COG5: variants seen among roughly 807,000 people sequenced by gnomAD.
The protein encoded by COG5 is component of oligomeric golgi complex 5.
A neutral mutation model predicts 110.4 loss-of-function variants in COG5; 86 were observed. The observed-to-expected ratio is 0.78, with a 90% CI of 0.65 to 0.93. The LOEUF (loss-of-function observed/expected upper bound fraction) is 0.93, where lower values mean the gene tolerates loss of function less well. Ranked by LOEUF, COG5 falls within the 40% of genes least tolerant of loss-of-function variation. The pLI is 0.00. For missense variants in COG5, 1,077 were observed against 987.0 expected (o/e 1.09, Z -1.22); for synonymous variants, 360 against 334.6 (o/e 1.08, Z -0.83).
At chr7:107,228,541 T>C (rs1160885770) in intron 19 of COG5, among the ~76,000 whole-genome samples, 3 of 152,134 alleles carry the variant, frequency 2.0e-5, no homozygotes, top group African/African-American at 4.8e-5. Flanking sequence ...AGATGACCAA[T>C]GGATTGGCAA....
At chr7:107,369,152 G>GT (rs1220357621) in intron 8 of COG5, among the ~76,000 whole-genome samples, 2 of 152,102 alleles carry the variant, frequency 1.3e-5, no homozygotes, top group Admixed American at 6.6e-5. Context: ...TACACTGTTA[G>GT]TACATATGTG....
intron 6 of COG5, among the ~76,000 whole-genome samples, chr7:107,524,133 C>A (rs766509262): frequency 6.6e-6 from 1 of 152,090 alleles, no homozygotes. Flanking sequence ...ACAACACTGA[C>A]GAATTTCAAA....
At chr7:107,481,738 T>C (rs1797362216) in intron 6 of COG5, among the ~76,000 whole-genome samples, 1 of 152,204 alleles carries the variant, frequency 6.6e-6, no homozygotes, top group African/African-American at 2.4e-5. Context: ...CTTTTGCTGT[T>C]AAATTTTTTC....
chr7:107,525,060 T>C (rs988344904), intron 6 of COG5, among the ~76,000 whole-genome samples: 12 of 152,104 alleles, frequency 7.9e-5, no homozygotes, highest in Non-Finnish European at 1.8e-4. Context: ...CCTGAGTAGC[T>C]GGAATTACAG....
intron 8 of COG5, among the ~76,000 whole-genome samples, chr7:107,371,872 T>C (rs1814200131): frequency 6.6e-6 from 1 of 152,260 alleles, no homozygotes; most frequent in South Asian, 2.1e-4. Context: ...GGAGAAAGCA[T>C]AGTTCATCCT....
At chr7:107,253,577 C>T (rs1312159769) in intron 16 of COG5, among the ~76,000 whole-genome samples, 1 of 152,018 alleles carries the variant, frequency 6.6e-6, no homozygotes, top group African/African-American at 2.4e-5. Context: ...ACTTATATAG[C>T]TATGGTGGTT....
At chr7:107,262,908 A>C (rs1803481261) in intron 14 of COG5, among the ~76,000 whole-genome samples, 1 of 152,200 alleles carries the variant, frequency 6.6e-6, no homozygotes, top group Non-Finnish European at 1.5e-5. Context: ...TGCTATGTAA[A>C]CTGTAAAATG....
At chr7:107,430,051 G>C (rs1246540281) in intron 6 of COG5, among the ~76,000 whole-genome samples, 1 of 152,148 alleles carries the variant, frequency 6.6e-6, no homozygotes, top group African/African-American at 2.4e-5. Context: ...TTCTGATTCT[G>C]TGGATTGTCT....
chr7:107,204,716 C>G lies in COG5; in HGVS notation c.2376-1086G>C, dbSNP rs778389323. On this transcript the variant is annotated intron_variant, in intron 21 of 21. Transcript: ENST00000297135. ...TCCCCAGAGTCTGGCTATCACTGAT[C>G]AGTTTGTAGTGCCCTTCATCCCACA... Among the ~76,000 whole-genome samples the G allele has an allele frequency of 2.6e-5, 4 of 152,172 alleles. No individual in the cohort carries two copies. The East Asian group carries it at 7.7e-4, about 29-fold the overall frequency.
chr7:107,238,469 C>T (rs1009047117), intron 17 of COG5, among the ~76,000 whole-genome samples: 8 of 145,396 alleles, frequency 5.5e-5, no homozygotes, highest in South Asian at 2.2e-4. Context: ...CATGGAAGTG[C>T]GTATATCTTT....
Position 107,203,532 on chromosome 7 carries a change from A to G in COG5, c.2474T>C (p.Met825Thr). ...TTCATGTCATTACTGAAGAGCAGAC[A>G]TAGCCTTTTGAAGCAGCTGAACCAT... ...PIMVQLLQKA[M>T]SALQ The change falls in exon 22 of 22, where the codon ATG becomes ACG. Residue 825 changes from methionine to threonine, a missense_variant. Coordinates refer to ENST00000297135, the MANE Select transcript of COG5 (RefSeq NM_006348.5). The G allele has an allele frequency of 6.2e-7, 1 of 1,612,328 alleles. No homozygotes were observed. Among genetic ancestry groups the G allele is most frequent in the Non-Finnish European group, 8.5e-7 (1 of 1,178,328 alleles).
At chr7:107,509,396 T>C (rs1172149061) in intron 6 of COG5, among the ~76,000 whole-genome samples, 1 of 152,206 alleles carries the variant, frequency 6.6e-6, no homozygotes, top group Non-Finnish European at 1.5e-5. Context: ...TATGGGACTA[T>C]GTGAAAAGAC....
intron 10 of COG5, among the ~76,000 whole-genome samples, chr7:107,344,962 T>C (rs1811472542): frequency 6.6e-6 from 1 of 152,240 alleles, no homozygotes. Flanking sequence ...TTTCAACATG[T>C]CTTCTCCACA....
At chr7:107,560,123 A>G (rs955949741) in intron 1 of COG5, among the ~76,000 whole-genome samples, 4 of 152,194 alleles carry the variant, frequency 2.6e-5, no homozygotes, top group African/African-American at 9.7e-5. Context: ...AGACTGTTAC[A>G]TTTTCAGGAA....
chr7:107,497,631 T>C (rs117447333), intron 6 of COG5, among the ~76,000 whole-genome samples: 1 of 152,092 alleles, frequency 6.6e-6, no homozygotes, highest in Non-Finnish European at 1.5e-5. Flanking sequence ...TAAAAGAAAC[T>C]AAAGAACTAA....
intron 7 of COG5, among the ~76,000 whole-genome samples, chr7:107,386,887 G>A (rs1584759438): frequency 2.0e-5 from 3 of 152,188 alleles, no homozygotes; most frequent in East Asian, 1.9e-4. Flanking sequence ...GCCTAAAAAG[G>A]GGAAGGAGGA....
rs939238586 is a variant in COG5, at chr7:107,248,311, G to C, written c.1853+85C>G. 14 of 871,390 alleles carry C rather than the reference G, an allele frequency of 1.6e-5. No homozygotes were observed. In the African/African-American group the frequency reaches 2.0e-4, roughly 12 times the overall value. 54.0% of individuals were successfully genotyped at this position (871,390 alleles called of 1,614,324 possible). On this transcript the variant is annotated intron_variant, in intron 17 of 21. Coordinates refer to ENST00000297135, the MANE Select transcript of COG5 (RefSeq NM_006348.5). ...AAGGAACAAGGCCCTGGATGGCAGG[G>C]GGGCAGCTTAGGGAGTAAGCATAGA... is the stretch of plus-strand genomic sequence containing the variant.
intron 6 of COG5, among the ~76,000 whole-genome samples, chr7:107,414,854 G>C (rs1286247771): frequency 6.6e-6 from 1 of 150,482 alleles, no homozygotes; most frequent in African/African-American, 2.4e-5. Flanking sequence ...CAGCCTCCCG[G>C]GTAGCTGGGA....
At chr7:107,352,229 T>A (rs1380656980) in intron 10 of COG5, among the ~76,000 whole-genome samples, 1 of 141,916 alleles carries the variant, frequency 7.0e-6, no homozygotes, top group Non-Finnish European at 1.5e-5. Context: ...AAACACCGCA[T>A]GTTCTCACTC....
Sources: allele counts gnomAD v4.1 joint callset (sites outside exome capture counted in the v4.1 genomes callset), GRCh38; gene constraint gnomAD v4.1.1; transcripts MANE v1.5; gene names NCBI Gene and HGNC (gene_info 2026-07-23, HGNC 2026-07-21).